Variants in CEMIP observed in about 807,000 individuals in gnomAD.
The protein encoded by CEMIP is cell migration inducing hyaluronidase 1.
A neutral mutation model predicts 156.9 loss-of-function variants in CEMIP; 105 were observed. The observed-to-expected ratio is 0.67, with a 90% CI of 0.57 to 0.79. CEMIP has a LOEUF of 0.79. Ranked by LOEUF, CEMIP falls within the 30% of genes least tolerant of loss-of-function variation. The pLI is 0.00. For missense variants in CEMIP, 1,457 were observed against 1,769.4 expected (o/e 0.82, Z 3.17); for synonymous variants, 676 against 668.4 (o/e 1.01, Z -0.17).
intron 10 of CEMIP, among the ~76,000 whole-genome samples, chr15:80,892,689 A>C (rs1899070979): frequency 1.3e-5 from 2 of 152,214 alleles, no homozygotes; most frequent in African/African-American, 4.8e-5. Context: ...CTCCAGCGCC[A>C]ACTCTGCACT....
rs558524865 is a variant in CEMIP at position 80,889,771 on chromosome 15, A to C, written c.1086+179A>C. Among the ~76,000 whole-genome samples, 41 of 152,338 alleles carry C rather than the reference A, an allele frequency of 2.7e-4. No homozygotes were observed. The South Asian group carries it at 6.2e-3, about 23-fold the overall frequency. ...TGAAGCAGAGGCTTACTATCTGCCCAAAAGCCAGGGCTCAGATTCTCTCCT... is the reference window on the plus strand; with the variant it reads ...TGAAGCAGAGGCTTACTATCTGCCCCAAAGCCAGGGCTCAGATTCTCTCCT... On this transcript the variant is annotated intron_variant, in intron 10 of 29. Coordinates refer to ENST00000394685, the MANE Select transcript of CEMIP (RefSeq NM_001293298.2).
intron 1 of CEMIP, among the ~76,000 whole-genome samples, chr15:80,839,114 A>G (rs1302797240): frequency 6.6e-6 from 1 of 152,034 alleles, no homozygotes; most frequent in African/African-American, 2.4e-5. Context: ...GTAGCAGGAG[A>G]GGAGGAGAAG....
intron 10 of CEMIP, 44 bp from the exon 11 acceptor site, chr15:80,894,946 A>T (rs534014313): frequency 1.4e-5 from 20 of 1,441,114 alleles, no homozygotes; most frequent in Middle Eastern, 1.8e-4. Context: ...CCTTCTCTAT[A>T]AAAAAAAAAC....
In CEMIP at chr15:80,877,379, GC is replaced by G. The variant is rs1452436043; in HGVS notation, c.95-1338del. 5.9e-5 allele frequency among the ~76,000 whole-genome samples: 9 copies of G among 152,178 alleles called. No homozygotes were observed. The East Asian group carries it at 1.2e-3, about 20-fold the overall frequency. ...CTTGCTTCCATTCCTTCCAGTACCTGCCCCAGAGTTTCTCATCTGAAACCTT... is the reference window on the plus strand; with the variant it reads ...CTTGCTTCCATTCCTTCCAGTACCTGCCCAGAGTTTCTCATCTGAAACCTT... On this transcript the variant is annotated intron_variant, in intron 3 of 29. Transcript: ENST00000394685.
intron 1 of CEMIP, among the ~76,000 whole-genome samples, chr15:80,802,454 AATGCAGCCTCCAGAGG>A (rs1425197306): frequency 6.6e-6 from 1 of 152,150 alleles, no homozygotes; most frequent in Non-Finnish European, 1.5e-5. Context: ...CAGTGTCAGC[AATGCAGCCTCCAGAGG>A]ATGTGCTCAG....
At chr15:80,835,798 C>A (rs938888667) in intron 1 of CEMIP, among the ~76,000 whole-genome samples, 9 of 152,174 alleles carry the variant, frequency 5.9e-5, no homozygotes, top group Non-Finnish European at 1.2e-4. Context: ...CCTTCTCCCA[C>A]GGTCTGTTTC....
intron 3 of CEMIP, among the ~76,000 whole-genome samples, chr15:80,877,507 C>T (rs1898514826): frequency 2.0e-5 from 3 of 152,204 alleles, no homozygotes. Flanking sequence ...CTTCTGGTCA[C>T]AGAAAAAAGG....
intron 22 of CEMIP, 91 bp from the exon 23 acceptor site, chr15:80,933,154 A>C: frequency 2.6e-6 from 3 of 1,134,978 alleles, no homozygotes; most frequent in Non-Finnish European, 3.9e-6. Flanking sequence ...TTGTAACGTC[A>C]GTGGAAATCG....
intron 12 of CEMIP, among the ~76,000 whole-genome samples, chr15:80,900,585 G>GGTGT (rs57724852): frequency 0.037 from 2,748 of 74,872 alleles, 223 homozygotes; most frequent in East Asian, 0.047. Flanking sequence ...CCCAGGTAGG[G>GGTGT]GTGTGTGTGT....
At chr15:80,894,386 G>A (rs1262607974) in intron 10 of CEMIP, among the ~76,000 whole-genome samples, 1 of 152,162 alleles carries the variant, frequency 6.6e-6, no homozygotes, top group Non-Finnish European at 1.5e-5. Flanking sequence ...ACTAACAGCA[G>A]CCTCATAGTT....
intron 12 of CEMIP, among the ~76,000 whole-genome samples, chr15:80,900,140 G>A (rs1273910892): frequency 6.6e-6 from 1 of 152,218 alleles, no homozygotes; most frequent in African/African-American, 2.4e-5. Flanking sequence ...CTTTGAGCAG[G>A]TCCTGACAAG....
rs1567090927 is a variant in CEMIP at position 80,900,638 on chromosome 15, GTGTGTGTGTGTC to G, written c.1411+4602_1411+4613del. ...TGTGTGTGTGTGTGTGTGTGTGTGT[GTGTGTGTGTGTC>G]TGTGTGTGTGTCTGTGTGTGTGTGT... On this transcript the variant is annotated intron_variant, in intron 12 of 29. Coordinates refer to ENST00000394685, the MANE Select transcript of CEMIP (RefSeq NM_001293298.2). Among the ~76,000 whole-genome samples the G allele has an allele frequency of 2.9e-3, 299 of 101,852 alleles. 4 individuals carry two copies. The highest frequency in any genetic ancestry group is 6.7e-3 in the African/African-American group (191 of 28,486). 66.8% of individuals were successfully genotyped at this position (101,852 alleles called of 152,430 possible). A position where few individuals can be genotyped will look rare whatever the true frequency, so the allele number is the denominator to read the frequency against.
intron 1 of CEMIP, among the ~76,000 whole-genome samples, chr15:80,843,107 C>T (rs1044550546): frequency 6.6e-6 from 1 of 152,290 alleles, no homozygotes; most frequent in South Asian, 2.1e-4. Context: ...TAACAGTGAA[C>T]TCACTACATG....
chr15:80,848,315 A>G (rs2141726995), intron 1 of CEMIP, among the ~76,000 whole-genome samples: 1 of 152,288 alleles, frequency 6.6e-6, no homozygotes, highest in African/African-American at 2.4e-5. Context: ...AGTTCTGGGA[A>G]ACGGACTGAT....
At chr15:80,891,509 T>C (rs1899031611) in intron 10 of CEMIP, among the ~76,000 whole-genome samples, 1 of 152,340 alleles carries the variant, frequency 6.6e-6, no homozygotes, top group African/African-American at 2.4e-5. Context: ...TCTCCATTAT[T>C]TGAGGTTCAG....
Position 80,931,936 on chromosome 15 carries a change from C to G in CEMIP, c.2690C>G (p.Ala897Gly). ...AACTGCACTTTCCGAAAGTTTGTGG[C>G]CCTGGAGGGCCGGCACACCAGCGCC... Reference protein sequence around the residue: ...IQNCTFRKFVALEGRHTSALA... With the variant: ...IQNCTFRKFVGLEGRHTSALA... Residue 897 changes from alanine (A) to glycine (G), a missense_variant, in exon 22 of 30, where the codon GCC becomes GGC. Around this residue, in one of 5 missense-constraint regions of CEMIP, gnomAD observed 798 missense variants for 980.1 expected, o/e 0.81. Transcript: ENST00000394685. 6.2e-7 allele frequency: 1 copy of G among 1,614,238 alleles called. No homozygotes were observed. The highest frequency in any genetic ancestry group is 8.5e-7 in the Non-Finnish European group (1 of 1,180,044).
rs555645304 is a variant in CEMIP, at chr15:80,936,042, C to T, written c.3010-632C>T. ...CATGAGCCACCGCGCCCGGCCAACA[C>T]AGTGTTTTAAACCAATGCTGGGATA... On this transcript the variant is annotated intron_variant, in intron 23 of 29. Transcript: ENST00000394685. Among the ~76,000 whole-genome samples the T allele has an allele frequency of 7.9e-5, 12 of 152,334 alleles. No homozygotes were observed. The East Asian group carries it at 2.1e-3, about 27-fold the overall frequency.
At chr15:80,816,349 T>A (rs926968362) in intron 1 of CEMIP, among the ~76,000 whole-genome samples, 1 of 152,148 alleles carries the variant, frequency 6.6e-6, no homozygotes, top group African/African-American at 2.4e-5. Context: ...AATGGGTCCT[T>A]GAGGGAGGCA....
At chr15:80,854,882 C>G (rs548528742) in intron 1 of CEMIP, among the ~76,000 whole-genome samples, 28 of 152,306 alleles carry the variant, frequency 1.8e-4, no homozygotes, top group African/African-American at 6.3e-4. Context: ...ACCTGGAGAG[C>G]CACTAAGTGG....
Sources: allele counts gnomAD v4.1 joint callset (sites outside exome capture counted in the v4.1 genomes callset), GRCh38; gene constraint gnomAD v4.1.1; regional missense constraint gnomAD v4.1.1; transcripts MANE v1.5; gene names NCBI Gene and HGNC (gene_info 2026-07-23, HGNC 2026-07-21).